The following FRMPD4 variants were observed in gnomAD, a reference collection of about 807,000 sequenced individuals.
FRMPD4 encodes FERM and PDZ domain-containing protein 4.
Under a neutral mutation model 94.1 loss-of-function variants are expected in FRMPD4, and 22 were observed. The observed-to-expected ratio is 0.23, with a 90% confidence interval of 0.17 to 0.33. The LOEUF (loss-of-function observed/expected upper bound fraction) is 0.33, where lower values mean the gene tolerates loss of function less well. Among genes scored for constraint, FRMPD4 ranks in the 10% least tolerant of loss-of-function variants. FRMPD4 has a pLI of 1.00. For missense variants in FRMPD4, 1,111 were observed against 1,339.9 expected, an observed-to-expected ratio of 0.83 and a Z score of 2.67; for synonymous variants, 631 against 548.6, an observed-to-expected ratio of 1.15 and a Z score of -2.10.
chrX:12,447,333 C>T (rs1197172128), intron 1 of FRMPD4, among the ~76,000 whole-genome samples: 1 of 111,689 alleles, frequency 9.0e-6, no homozygotes, highest in Admixed American at 9.5e-5. Flanking sequence ...GCTTTTCACC[C>T]CCCAGTTGTG....
At chrX:11,829,453 T>C (rs1039092686) in intron 1 of FRMPD4, among the ~76,000 whole-genome samples, 4 of 112,108 alleles carry the variant, frequency 3.6e-5, no homozygotes, top group African/African-American at 1.3e-4. Flanking sequence ...TAACTAACTG[T>C]TGGATACTAT....
chrX:12,218,142 GA>G lies in FRMPD4; in HGVS notation c.41+79137del, dbSNP rs777534103. Among the ~76,000 whole-genome samples the G allele has an allele frequency of 2.2e-4, 25 of 111,417 alleles. No individual in the cohort carries two copies. The East Asian group carries it at 6.1e-3, about 27-fold the overall frequency. ...TTTTTAACATCTCAAAAGAATTAATGAAAAAAATAAGAGATCAAGACAAGAA... is the reference window on the plus strand; with the variant it reads ...TTTTTAACATCTCAAAAGAATTAATGAAAAAATAAGAGATCAAGACAAGAA... On this transcript the variant is annotated intron_variant, in intron 1 of 16. Transcript: ENST00000675598.
chrX:11,908,274 G>A (rs937596682), intron 3 of FRMPD4, among the ~76,000 whole-genome samples: 1 of 111,996 alleles, frequency 8.9e-6, no homozygotes, highest in African/African-American at 3.2e-5. Context: ...CAATCATCCA[G>A]AGATTGTGAA....
At chrX:12,008,214 T>G (rs1017981805) in intron 3 of FRMPD4, among the ~76,000 whole-genome samples, 1 of 112,043 alleles carries the variant, frequency 8.9e-6, no homozygotes, top group Non-Finnish European at 1.9e-5. Flanking sequence ...TTAGTATCCC[T>G]GATTTATGCC....
chrX:12,169,424 G>A (rs2056182405), intron 1 of FRMPD4, among the ~76,000 whole-genome samples: 1 of 111,936 alleles, frequency 8.9e-6, no homozygotes, highest in African/African-American at 3.2e-5. Context: ...ATACCTTTTT[G>A]TGTATATTGC....
At chrX:12,685,617 T>G (rs759020632) in intron 6 of FRMPD4, among the ~76,000 whole-genome samples, 1 of 111,790 alleles carries the variant, frequency 8.9e-6, no homozygotes, top group East Asian at 2.8e-4. Context: ...TTAATAGAGT[T>G]CCCTTGGAGT....
At chrX:12,190,737 CACAAAAATA>C (rs2056482017) in intron 1 of FRMPD4, among the ~76,000 whole-genome samples, 1 of 104,357 alleles carries the variant, frequency 9.6e-6, no homozygotes, top group Non-Finnish European at 2.0e-5. Flanking sequence ...TGATGCCTGT[CACAAAAATA>C]ACTCAAAATG....
At chrX:12,182,458 T>C (rs2056371447) in intron 1 of FRMPD4, among the ~76,000 whole-genome samples, 1 of 111,095 alleles carries the variant, frequency 9.0e-6, no homozygotes, top group Non-Finnish European at 1.9e-5. Flanking sequence ...CTGCCCTGCC[T>C]GGAAATTATT....
intron 2 of FRMPD4, among the ~76,000 whole-genome samples, chrX:12,595,153 C>T (rs141263494): frequency 9.2e-4 from 103 of 111,643 alleles, no homozygotes; most frequent in African/African-American, 3.1e-3. Flanking sequence ...ATAACATGAA[C>T]GTCAATTATT....
At chrX:12,535,699 A>G in intron 2 of FRMPD4, among the ~76,000 whole-genome samples, 1 of 112,291 alleles carries the variant, frequency 8.9e-6, no homozygotes, top group Middle Eastern at 4.6e-3. Context: ...ATTTTTGTCA[A>G]TAAAGTTTCA....
At chrX:12,521,372 G>A (rs1190094285) in intron 2 of FRMPD4, among the ~76,000 whole-genome samples, 1 of 111,851 alleles carries the variant, frequency 8.9e-6, no homozygotes, top group Non-Finnish European at 1.9e-5. Flanking sequence ...TAGCAACAAG[G>A]CATTTGGAAG....
At position 12,467,932 on chromosome X, in the gene FRMPD4, G is replaced by GTTTCATCT. The variant is rs1453311204; in HGVS notation, c.42-30747_42-30740dup. On this transcript the variant is annotated intron_variant, in intron 1 of 16. Transcript: ENST00000675598. Reference sequence around the variant, plus strand: ...TATTAATAGAACAGAGTAACTCCTGGTTTCATCTGGGTTACAGGATACTGA... The same window carrying GTTTCATCT: ...TATTAATAGAACAGAGTAACTCCTGGTTTCATCTTTTCATCTGGGTTACAGGATACTGA... Among the ~76,000 whole-genome samples, 9 of 111,696 alleles carry GTTTCATCT rather than the reference G, an allele frequency of 8.1e-5. No homozygotes were observed. In the East Asian group the frequency reaches 2.2e-3, roughly 28 times the overall value.
At chrX:12,653,118 G>A (rs771732647) in intron 4 of FRMPD4, among the ~76,000 whole-genome samples, 6 of 112,015 alleles carry the variant, frequency 5.4e-5, no homozygotes, top group East Asian at 5.5e-4. Flanking sequence ...TCTGAGCCTT[G>A]TTTCCTCATC....
chrX:12,504,510 A>G (rs2057958507), intron 2 of FRMPD4, among the ~76,000 whole-genome samples: 1 of 112,605 alleles, frequency 8.9e-6, no homozygotes, highest in Non-Finnish European at 1.9e-5. Flanking sequence ...GTATCATTAC[A>G]TGAAATGAAA....
At chrX:12,196,254 C>G (rs948986761) in intron 1 of FRMPD4, among the ~76,000 whole-genome samples, 3 of 111,606 alleles carry the variant, frequency 2.7e-5, no homozygotes, top group African/African-American at 9.8e-5. Flanking sequence ...GGTGGTTTGG[C>G]AGTGCTGACA....
At chrX:12,479,740 T>C (rs2057659482) in intron 1 of FRMPD4, among the ~76,000 whole-genome samples, 1 of 109,498 alleles carries the variant, frequency 9.1e-6, no homozygotes, top group Non-Finnish European at 1.9e-5. Flanking sequence ...GCTCAAGTGA[T>C]CCTCCCACCT....
intron 1 of FRMPD4, among the ~76,000 whole-genome samples, chrX:12,320,763 C>A (rs1015586822): frequency 9.0e-6 from 1 of 110,696 alleles, no homozygotes; most frequent in East Asian, 2.8e-4. Context: ...CTTTTAAAAG[C>A]GATACTGTAA....
chrX:12,661,965 C>A (rs182230515), intron 4 of FRMPD4, among the ~76,000 whole-genome samples: 40 of 111,909 alleles, frequency 3.6e-4, no homozygotes, highest in Non-Finnish European at 4.7e-4. Flanking sequence ...TCTGAAAAAT[C>A]TCAGTGTTCT....
intron 1 of FRMPD4, among the ~76,000 whole-genome samples, chrX:12,467,014 G>A (rs1047276333): frequency 2.7e-5 from 3 of 111,722 alleles, no homozygotes; most frequent in Non-Finnish European, 5.7e-5. Context: ...AGAAGTGTGT[G>A]TATGTGTGTT....
Sources: allele counts gnomAD v4.1 joint callset (sites outside exome capture counted in the v4.1 genomes callset), GRCh38; gene constraint gnomAD v4.1.1; transcripts MANE v1.5; gene names NCBI Gene and HGNC (gene_info 2026-07-23, HGNC 2026-07-21).